The following KLHL34 variants were observed in gnomAD, a reference collection of about 807,000 sequenced individuals.
The protein encoded by KLHL34 is kelch-like protein 34.
In KLHL34, 24 loss-of-function variants were observed where a neutral mutation model predicts 23.8. That is an observed-to-expected ratio of 1.01 (90% confidence interval 0.73 to 1.42). The LOEUF (loss-of-function observed/expected upper bound fraction) is 1.42. KLHL34 is among the 40% of genes most tolerant of loss of function. The pLI, the probability that KLHL34 is intolerant of heterozygous loss-of-function variation, is 0.00. For synonymous variants in KLHL34, 303 were observed against 287.9 expected (o/e 1.05, Z -0.53); for missense variants, 652 against 595.1 (o/e 1.10, Z -0.99).
At position 21,656,511 on chromosome X, in the gene KLHL34, C is replaced by A. The variant is rs756730417; in HGVS notation, c.1278G>T (p.Arg426Ser). Reference protein sequence around the residue: ...AHFWCGAVGERLLAVGGLGAG... With the variant: ...AHFWCGAVGESLLAVGGLGAG... ...CACCCAGGCCCCCGACGGCCAGGAG[C>A]CTCTCGCCCACCGCGCCGCACCAGA... Residue 426 changes from arginine (R) to serine (S), a missense_variant, in exon 1 of 1, where the codon AGG (arginine) becomes AGT (serine). Arg to Ser is a moderately radical substitution (Grantham distance 110). Transcript: ENST00000379499. 7 of 1,197,395 alleles carry A rather than the reference C, an allele frequency of 5.8e-6. No individual in the cohort carries two copies. The highest frequency in any genetic ancestry group is 6.0e-5 in the East Asian group (2 of 33,093).
In KLHL34 at chrX:21,654,952, G is replaced by C. The variant is rs1393113384; in HGVS notation, c.*902C>G. On this transcript the variant is annotated 3_prime_UTR_variant, in exon 1 of 1. Transcript: ENST00000379499. ...TCCTTTCTCTGTGATTCTTTTGGGG[G>C]AAGTGGGGGTAACCACCAAAAATTG... is the stretch of plus-strand genomic sequence containing the variant. 1.8e-5 allele frequency: 2 copies of C among 111,721 alleles called. No individual in the cohort carries two copies. Among genetic ancestry groups the C allele is most frequent in the Non-Finnish European group, 3.8e-5 (2 of 53,101 alleles). 9.2% of individuals were successfully genotyped at this position (111,721 alleles called of 1,213,427 possible).
At position 21,656,533 on chromosome X, in the gene KLHL34, C is replaced by T; in HGVS notation, c.1256G>A (p.Trp419Ter). 8.3e-7 allele frequency: 1 copy of T among 1,198,823 alleles called. No individual in the cohort carries two copies. Among genetic ancestry groups the T allele is most frequent in the Non-Finnish European group, 1.1e-6 (1 of 889,630 alleles). The change falls in exon 1 of 1, where the codon TGG becomes TAG. Residue 419 changes from tryptophan to a stop codon, truncating the protein, a stop_gained. Transcript: ENST00000379499. LOFTEE classifies it high-confidence loss of function. Reference sequence around the variant, plus strand: ...GAGCCTCTCGCCCACCGCGCCGCACCAGAAGTGGGCCCGCGCTTCCCGCAT... The same window carrying T: ...GAGCCTCTCGCCCACCGCGCCGCACTAGAAGTGGGCCCGCGCTTCCCGCAT... Reference protein sequence around the residue: ...PAMREARAHFWCGAVGERLLA... With the variant: ...PAMREARAHF
chrX:21,656,852 C>G lies in KLHL34; in HGVS notation c.937G>C (p.Glu313Gln). 1 of 1,187,961 alleles carries G rather than the reference C, an allele frequency of 8.4e-7. No homozygotes were observed. The highest frequency in any genetic ancestry group is 1.1e-6 in the Non-Finnish European group (1 of 883,789). Residue 313 changes from glutamate (E) to glutamine (Q), a missense_variant, in exon 1 of 1, where the codon GAG becomes CAG. Physicochemically the swap from Glu to Gln is conservative, Grantham distance 29. Transcript: ENST00000379499. ...AACTCTTCCTCTTCTTCCTCGGGCT[C>G]TGGGGCGGCGACCTGGCCCCTAGCT... ...RAARGQVAAP[E>Q]PEEEEEELEE...
At position 21,655,468 on chromosome X, in the gene KLHL34, C is replaced by CTTTTTTTTTTTTTTT. The variant is rs1157134449; in HGVS notation, c.*371_*385dup. 1 of 66,709 alleles carries CTTTTTTTTTTTTTTT rather than the reference C, an allele frequency of 1.5e-5. No individual in the cohort carries two copies. 5.5% of individuals were successfully genotyped at this position (66,709 alleles called of 1,213,427 possible). ...AACTTCCTGTGGTACATTTTTTGGCCTTTTTTTTTTTTTTTTTTTTTTGGC... is the reference window on the plus strand; with the variant it reads ...AACTTCCTGTGGTACATTTTTTGGCCTTTTTTTTTTTTTTTTTTTTTTTTTTTTTTTTTTTTTGGC... On this transcript the variant is annotated 3_prime_UTR_variant, in exon 1 of 1. Coordinates refer to ENST00000379499, the MANE Select transcript of KLHL34 (RefSeq NM_153270.3).
chrX:21,656,921 C>T lies in KLHL34; in HGVS notation c.868G>A (p.Ala290Thr), dbSNP rs1382213416. ...ACCTCCTCAATCACCACCTCCCGTG[C>T]CCTGCGCCCCCCCACCAACAAGATG... ...TRILLVGGRR[A>T]REVVIEEVAA... The change falls in exon 1 of 1, where the codon GCA becomes ACA. Residue 290 changes from alanine (A) to threonine (T), a missense_variant. Physicochemically the swap from Ala to Thr is moderately conservative, Grantham distance 58 (BLOSUM62 0). Transcript: ENST00000379499. The T allele has an allele frequency of 3.5e-6, 4 of 1,158,042 alleles. No individual in the cohort carries two copies. The highest frequency in any genetic ancestry group is 2.3e-6 in the Non-Finnish European group (2 of 868,651).
At position 21,656,547 on chromosome X, in the gene KLHL34, C is replaced by T; in HGVS notation, c.1242G>A (p.Ala414=). 1 of 1,199,317 alleles carries T rather than the reference C, an allele frequency of 8.3e-7. No homozygotes were observed. Among genetic ancestry groups the T allele is most frequent in the Non-Finnish European group, 1.1e-6 (1 of 889,853 alleles). ...CCGCGCCGCACCAGAAGTGGGCCCG[C>T]GCTTCCCGCATGGCGGGCACTTCCG... is the stretch of plus-strand genomic sequence containing the variant. ...AWTEVPAMRE[A]RAHFWCGAVG... is the part of the protein sequence containing the mutation. Residue 414 remains alanine, a synonymous_variant, in exon 1 of 1, where the codon GCG becomes GCA. Coordinates refer to ENST00000379499, the MANE Select transcript of KLHL34 (RefSeq NM_153270.3).
In KLHL34 at chrX:21,658,277, G is replaced by A. The variant is rs190732487; in HGVS notation, c.-489C>T. 5.1e-4 allele frequency: 66 copies of A among 128,317 alleles called. No homozygotes were observed. The highest frequency in any genetic ancestry group is 1.9e-3 in the African/African-American group (60 of 31,228). The allele number at this position is 128,317 out of a possible 1,213,427, so 10.6% of individuals were successfully genotyped here. On this transcript the variant is annotated 5_prime_UTR_variant, in exon 1 of 1. Transcript: ENST00000379499. Reference sequence around the variant, plus strand: ...GCAGGGCGAGGACTCTGACCTCTCCGGGGTGGACGAGGAGGACGGGTTCTG... The same window carrying A: ...GCAGGGCGAGGACTCTGACCTCTCCAGGGTGGACGAGGAGGACGGGTTCTG...
At position 21,657,263 on chromosome X, in the gene KLHL34, G is replaced by A; in HGVS notation, c.526C>T (p.Pro176Ser). ...AGPAGLLELNPTSLRAVLGAP... is the reference protein window; with the variant it reads ...AGPAGLLELNSTSLRAVLGAP... ...CCCAGTACAGCCCTCAGCGATGTAG[G>A]GTTGAGCTCCAGGAGTCCCGCGGGG... The change falls in exon 1 of 1, where the codon CCT (proline) becomes TCT (serine). Residue 176 changes from proline (P) to serine (S), a missense_variant. Physicochemically the swap from Pro to Ser is moderately conservative, Grantham distance 74 (BLOSUM62 -1). Coordinates refer to ENST00000379499, the MANE Select transcript of KLHL34 (RefSeq NM_153270.3). 1 of 1,168,726 alleles carries A rather than the reference G, an allele frequency of 8.6e-7. No individual in the cohort carries two copies. The highest frequency in any genetic ancestry group is 1.8e-5 in the African/African-American group (1 of 56,910).
At position 21,655,710 on chromosome X, in the gene KLHL34, G is replaced by C; in HGVS notation, c.*144C>G. On this transcript the variant is annotated 3_prime_UTR_variant, in exon 1 of 1. Coordinates refer to ENST00000379499, the MANE Select transcript of KLHL34 (RefSeq NM_153270.3). ...AGCTCAAGGAGAAATGTTTCTCTTT[G>C]CTCAAGGCCTTGTTTGCCTGTTAAC... 1.0e-6 allele frequency: 1 copy of C among 982,973 alleles called. No homozygotes were observed. The highest frequency in any genetic ancestry group is 1.3e-6 in the Non-Finnish European group (1 of 758,450). 81.0% of individuals were successfully genotyped at this position (982,973 alleles called of 1,213,427 possible).
At position 21,657,903 on chromosome X, in the gene KLHL34, G is replaced by C; in HGVS notation, c.-115C>G. 1 of 1,089,588 alleles carries C rather than the reference G, an allele frequency of 9.2e-7. No homozygotes were observed. Among genetic ancestry groups the C allele is most frequent in the South Asian group, 2.3e-5 (1 of 42,917 alleles). 89.8% of individuals were successfully genotyped at this position (1,089,588 alleles called of 1,213,427 possible). A position where few individuals can be genotyped will look rare whatever the true frequency, so the allele number is the denominator to read the frequency against. On this transcript the variant is annotated 5_prime_UTR_variant, in exon 1 of 1. Coordinates refer to ENST00000379499, the MANE Select transcript of KLHL34 (RefSeq NM_153270.3). ...CGCGTAAGCCACAGAGCCCCTAGCA[G>C]GGGCCCATTTCTGCCTGCTCAGTTT...
rs757913565 is a variant in KLHL34 at position 21,656,722 on chromosome X, A to G, written c.1067T>C (p.Leu356Pro). The G allele has an allele frequency of 8.3e-7, 1 of 1,207,089 alleles. No individual in the cohort carries two copies. Among genetic ancestry groups the G allele is most frequent in the East Asian group, 3.0e-5 (1 of 33,795 alleles). The change falls in exon 1 of 1, where the codon CTG (leucine) becomes CCG (proline). Residue 356 changes from leucine to proline, a missense_variant. Coordinates refer to ENST00000379499, the MANE Select transcript of KLHL34 (RefSeq NM_153270.3). ...WRSLTQLPTP[L>P]LGHSVCTAGN... ...CGCGGTGCACACGCTGTGCCCCAGCAGTGGTGTGGGTAGCTGCGTAAGGCT... is the reference window on the plus strand; with the variant it reads ...CGCGGTGCACACGCTGTGCCCCAGCGGTGGTGTGGGTAGCTGCGTAAGGCT...
rs773150676 is a variant in KLHL34, at chrX:21,656,425, G to T, written c.1364C>A (p.Ala455Glu). The change falls in exon 1 of 1, where the codon GCG becomes GAG. Residue 455 changes from alanine to glutamate, a missense_variant. Ala to Glu is a moderately radical substitution (Grantham distance 107). Coordinates refer to ENST00000379499, the MANE Select transcript of KLHL34 (RefSeq NM_153270.3). ...MYDLRRDRWTAAGALPRALHG... is the reference protein window; with the variant it reads ...MYDLRRDRWTEAGALPRALHG... ...CAGAGCCCGCGGTAGTGCCCCAGCC[G>T]CCGTCCAGCGGTCCCGACGCAGGTC... is the stretch of plus-strand genomic sequence containing the variant. 7.6e-6 allele frequency: 9 copies of T among 1,190,591 alleles called. No individual in the cohort carries two copies. The highest frequency in any genetic ancestry group is 1.0e-5 in the Non-Finnish European group (9 of 886,996).
rs747750810 is a variant in KLHL34 at position 21,656,352 on chromosome X, C to T, written c.1437G>A (p.Ser479=). Residue 479 remains serine (S), a synonymous_variant, in exon 1 of 1, where the codon TCG becomes TCA. Coordinates refer to ENST00000379499, the MANE Select transcript of KLHL34 (RefSeq NM_153270.3). ...AVGDRGVVYI[S]GGKAGRGEGG... ...CCTCGCCTCTCCCTGCCTTGCCCCCCGAGATGTACACAACACCGCGGTCCC... is the reference window on the plus strand; with the variant it reads ...CCTCGCCTCTCCCTGCCTTGCCCCCTGAGATGTACACAACACCGCGGTCCC... The T allele has an allele frequency of 2.5e-6, 3 of 1,198,697 alleles. No individual in the cohort carries two copies. In the African/African-American group the frequency reaches 5.3e-5, roughly 21 times the overall value.
Position 21,657,565 on chromosome X carries a change from G to A in KLHL34, c.224C>T (p.Pro75Leu). 2 of 1,211,282 alleles carry A rather than the reference G, an allele frequency of 1.7e-6. No individual in the cohort carries two copies. The highest frequency in any genetic ancestry group is 1.1e-6 in the Non-Finnish European group (1 of 895,364). ...CAGGCGCTGCAGGCCGGCTGCCGAT[G>A]GCACGTGCAGGTGGATCACGCGCGC... ...SRARVIHLHV[P>L]SAAGLQRLLD... The change falls in exon 1 of 1, where the codon CCA becomes CTA. Residue 75 changes from proline to leucine, a missense_variant. Coordinates refer to ENST00000379499, the MANE Select transcript of KLHL34 (RefSeq NM_153270.3).
In KLHL34 at chrX:21,656,297, C is replaced by A. The variant is rs766966039; in HGVS notation, c.1492G>T (p.Val498Phe). The change falls in exon 1 of 1, where the codon GTC (valine) becomes TTC (phenylalanine). Residue 498 changes from valine (V) to phenylalanine (F), a missense_variant. Transcript: ENST00000379499. ...GGASSLRDLY[V>F]LGPEEQVWSK... ...CAAACCTGCTCCTCAGGGCCCAGGA[C>A]GTATAAGTCCCGGAGGCTGCTCGCT... 8.3e-7 allele frequency: 1 copy of A among 1,201,851 alleles called. No individual in the cohort carries two copies. Among genetic ancestry groups the A allele is most frequent in the Admixed American group, 2.2e-5 (1 of 45,146 alleles).
Position 21,657,570 on chromosome X carries a change from G to C in KLHL34, c.219C>G (p.His73Gln). The C allele has an allele frequency of 1.7e-6, 2 of 1,211,373 alleles. No homozygotes were observed. The highest frequency in any genetic ancestry group is 1.8e-5 in the South Asian group (1 of 56,940). Reference sequence around the variant, plus strand: ...GCTGCAGGCCGGCTGCCGATGGCACGTGCAGGTGGATCACGCGCGCCCGGG... The same window carrying C: ...GCTGCAGGCCGGCTGCCGATGGCACCTGCAGGTGGATCACGCGCGCCCGGG... ...QESRARVIHLHVPSAAGLQRL... is the reference protein window; with the variant it reads ...QESRARVIHLQVPSAAGLQRL... Residue 73 changes from histidine to glutamine, a missense_variant, in exon 1 of 1, where the codon CAC becomes CAG. Transcript: ENST00000379499.
chrX:21,656,181 C>A lies in KLHL34; in HGVS notation c.1608G>T (p.Glu536Asp). 8.5e-7 allele frequency: 1 copy of A among 1,175,078 alleles called. No individual in the cohort carries two copies. Among genetic ancestry groups the A allele is most frequent in the Non-Finnish European group, 1.1e-6 (1 of 876,596 alleles). ...GAVFAFLGRY[E>D]PFSEIERYDP... Reference sequence around the variant, plus strand: ...CGTAGCGCTCGATCTCAGAGAAGGGCTCGTATCGCCCCAGAAAAGCAAACA... The same window carrying A: ...CGTAGCGCTCGATCTCAGAGAAGGGATCGTATCGCCCCAGAAAAGCAAACA... The change falls in exon 1 of 1, where the codon GAG (glutamate) becomes GAT (aspartate). Residue 536 changes from glutamate (E) to aspartate (D), a missense_variant. Transcript: ENST00000379499.
chrX:21,655,991 C>T lies in KLHL34; in HGVS notation c.1798G>A (p.Asp600Asn), dbSNP rs143430991. The T allele has an allele frequency of 7.4e-6, 9 of 1,210,495 alleles. No individual in the cohort carries two copies. The highest frequency in any genetic ancestry group is 1.0e-5 in the Non-Finnish European group (9 of 894,990). The part of the protein sequence containing the change: ...RNVVGYDLDL[D>N]RWEDIGCALP... ...GCGCAGCCGATGTCCTCCCAACGGT[C>T]CAGGTCGAGGTCGTAGCCCACTACG... Residue 600 changes from aspartate (D) to asparagine (N), a missense_variant, in exon 1 of 1, where the codon GAC becomes AAC. Physicochemically the swap from Asp to Asn is conservative, Grantham distance 23 (BLOSUM62 1). Coordinates refer to ENST00000379499, the MANE Select transcript of KLHL34 (RefSeq NM_153270.3).
At position 21,655,830 on chromosome X, in the gene KLHL34, C is replaced by T. The variant is rs1241551201; in HGVS notation, c.*24G>A. On this transcript the variant is annotated 3_prime_UTR_variant, in exon 1 of 1. Coordinates refer to ENST00000379499, the MANE Select transcript of KLHL34 (RefSeq NM_153270.3). ...CCAAGCGCGACTTTCTCCTCCATTG[C>T]GGAAGGAAACCGGACTGACCCATTC... 3.5e-6 allele frequency: 4 copies of T among 1,142,454 alleles called. No homozygotes were observed. In the East Asian group the frequency reaches 9.2e-5, roughly 26 times the overall value. 94.2% of individuals were successfully genotyped at this position (1,142,454 alleles called of 1,213,427 possible).
Sources: allele counts gnomAD v4.1 joint callset, GRCh38; gene constraint gnomAD v4.1.1; transcripts MANE v1.5; gene names NCBI Gene and HGNC (gene_info 2026-07-23, HGNC 2026-07-21).